The following SESTD1 variants were observed in gnomAD, a reference collection of about 807,000 sequenced individuals.
SESTD1 encodes the protein SEC14 domain and spectrin repeat-containing protein 1.
A neutral mutation model predicts 101.7 loss-of-function variants in SESTD1; 43 were observed. That is an observed-to-expected ratio of 0.42 (90% CI 0.33 to 0.55). The LOEUF (loss-of-function observed/expected upper bound fraction) is 0.55. Ranked by LOEUF, SESTD1 falls within the 20% of genes least tolerant of loss-of-function variation. The pLI is 0.07. For synonymous variants in SESTD1, 283 were observed against 286.8 expected, an observed-to-expected ratio of 0.99 and a Z score of 0.13; for missense variants, 647 against 815.1, an observed-to-expected ratio of 0.79 and a Z score of 2.51.
rs148492984 is a variant in SESTD1 at position 179,260,472 on chromosome 2, C to T, written c.-26+4027G>A. On this transcript the variant is annotated intron_variant, in intron 1 of 17. Coordinates refer to ENST00000428443, the MANE Select transcript of SESTD1 (RefSeq NM_178123.5). Reference sequence around the variant, plus strand: ...TTGAGGTTGCAGTGAGGTGTGATCACACCACTGCACTTCAGCCTGGGCCAC... The same window carrying T: ...TTGAGGTTGCAGTGAGGTGTGATCATACCACTGCACTTCAGCCTGGGCCAC... Among the ~76,000 whole-genome samples, 1,142 of 152,148 alleles carry T rather than the reference C, an allele frequency of 7.5e-3. 15 individuals carry two copies. Among genetic ancestry groups the T allele is most frequent in the African/African-American group, 0.026 (1,059 of 41,514 alleles).
chr2:179,244,591 G>C (rs1239397314), intron 1 of SESTD1, among the ~76,000 whole-genome samples: 1 of 151,132 alleles, frequency 6.6e-6, no homozygotes, highest in Non-Finnish European at 1.5e-5. Context: ...GCTAGAGGGA[G>C]AAATCAAAAC....
intron 1 of SESTD1, among the ~76,000 whole-genome samples, chr2:179,229,749 T>TTATA (rs71023472): frequency 0.042 from 4,467 of 106,282 alleles, 182 homozygotes; most frequent in Middle Eastern, 0.088. Context: ...TTGTAAGAAC[T>TTATA]TATATATATA....
intron 15 of SESTD1, among the ~76,000 whole-genome samples, chr2:179,116,273 T>TTA (rs758625872): frequency 1.4e-5 from 2 of 139,288 alleles, no homozygotes; most frequent in African/African-American, 5.3e-5. Flanking sequence ...GACTGTGTCT[T>TTA]AAAAAAAAAA....
chr2:179,157,781 T>C (rs1304069642), intron 5 of SESTD1, among the ~76,000 whole-genome samples: 1 of 152,170 alleles, frequency 6.6e-6, no homozygotes, highest in Non-Finnish European at 1.5e-5. Context: ...TGTATTTTAG[T>C]GTTGGGAATA....
intron 5 of SESTD1, among the ~76,000 whole-genome samples, chr2:179,157,747 G>A (rs903260869): frequency 1.3e-5 from 2 of 152,068 alleles, no homozygotes; most frequent in Admixed American, 1.3e-4. Flanking sequence ...ATTTAGTGGA[G>A]CTAAATTTAT....
intron 1 of SESTD1, among the ~76,000 whole-genome samples, chr2:179,196,971 G>A (rs958711519): frequency 2.0e-5 from 3 of 152,332 alleles, no homozygotes; most frequent in African/African-American, 7.2e-5. Flanking sequence ...TGATTTTGAT[G>A]AGCTGAGAGA....
At chr2:179,171,536 A>G (rs766132582) in intron 5 of SESTD1, among the ~76,000 whole-genome samples, 14 of 152,196 alleles carry the variant, frequency 9.2e-5, no homozygotes, top group Non-Finnish European at 1.8e-4. Context: ...TCTGTTATTT[A>G]TCAACTCTCC....
chr2:179,140,960 C>T (rs564552432), intron 9 of SESTD1, among the ~76,000 whole-genome samples: 2 of 152,280 alleles, frequency 1.3e-5, no homozygotes, highest in Admixed American at 1.3e-4. Context: ...TGCTCCTCTA[C>T]CTTGCCATGA....
rs1409661905 is a variant in SESTD1, at chr2:179,197,653, T to G, written c.-25-5787A>C. Among the ~76,000 whole-genome samples the G allele has an allele frequency of 5.9e-5, 9 of 152,128 alleles. No homozygotes were observed. In the East Asian group the frequency reaches 1.2e-3, roughly 20 times the overall value. On this transcript the variant is annotated intron_variant, in intron 1 of 17. Coordinates refer to ENST00000428443, the MANE Select transcript of SESTD1 (RefSeq NM_178123.5). ...AGCCAGAAGAGAGTGGGGGCCAATA[T>G]TCAACATTCTTAAAGAAAAGAATTT...
rs147660848 is a variant in SESTD1, at chr2:179,201,918, TATAATAATAATAATAATAATA to T, written c.-25-10073_-25-10053del. ...TGCACATGTACCCTAAAACTTAAAGTATAATAATAATAATAATAATAATAATAATAATAATAATAAAGAAAG... is the reference window on the plus strand; with the variant it reads ...TGCACATGTACCCTAAAACTTAAAGTATAATAATAATAATAATAAAGAAAG... On this transcript the variant is annotated intron_variant, in intron 1 of 17. Transcript: ENST00000428443. Among the ~76,000 whole-genome samples the T allele has an allele frequency of 8.7e-5, 9 of 103,278 alleles. 1 individual carries two copies. Among genetic ancestry groups the T allele is most frequent in the Non-Finnish European group, 1.5e-4 (8 of 52,582 alleles). The allele number at this position is 103,278 out of a possible 152,430, so 67.8% of individuals were successfully genotyped here.
intron 10 of SESTD1, among the ~76,000 whole-genome samples, chr2:179,127,162 G>T (rs1171411553): frequency 6.6e-6 from 1 of 152,074 alleles, no homozygotes; most frequent in African/African-American, 2.4e-5. Context: ...TTTGCTCCCT[G>T]TACTCTAGCC....
intron 1 of SESTD1, among the ~76,000 whole-genome samples, chr2:179,232,927 G>C (rs2047007468): frequency 3.3e-5 from 5 of 152,136 alleles, no homozygotes. Flanking sequence ...GTGGAGAAGT[G>C]GTAGAAAAGA....
At chr2:179,130,291 T>G (rs1274120735) in intron 10 of SESTD1, among the ~76,000 whole-genome samples, 4 of 152,146 alleles carry the variant, frequency 2.6e-5, no homozygotes, top group African/African-American at 9.7e-5. Context: ...AGTTTTTTCA[T>G]CTATAAAGTA....
intron 16 of SESTD1, 94 bp downstream of exon 16, chr2:179,114,971 A>T: frequency 9.7e-7 from 1 of 1,034,746 alleles, no homozygotes; most frequent in Non-Finnish European, 1.4e-6. Flanking sequence ...ATTGAAAAAT[A>T]GATTAGTCAT....
intron 1 of SESTD1, among the ~76,000 whole-genome samples, chr2:179,225,808 C>T (rs1237501403): frequency 2.6e-5 from 4 of 152,182 alleles, no homozygotes. Context: ...GTCCCATTCA[C>T]GAGAGCATAG....
intron 5 of SESTD1, among the ~76,000 whole-genome samples, chr2:179,163,904 C>T (rs944050385): frequency 6.6e-6 from 1 of 152,102 alleles, no homozygotes; most frequent in East Asian, 1.9e-4. Flanking sequence ...CTCTTTTACT[C>T]TCATTATTCC....
chr2:179,243,556 A>G (rs556448741), intron 1 of SESTD1, among the ~76,000 whole-genome samples: 1 of 152,212 alleles, frequency 6.6e-6, no homozygotes, highest in Non-Finnish European at 1.5e-5. Context: ...GTACAAATGT[A>G]CCATGGAATA....
chr2:179,196,780 A>G (rs1046840548), intron 1 of SESTD1, among the ~76,000 whole-genome samples: 4 of 152,220 alleles, frequency 2.6e-5, no homozygotes, highest in Non-Finnish European at 5.9e-5. Flanking sequence ...ACAAACAGAA[A>G]GGACATCCAC....
intron 1 of SESTD1, among the ~76,000 whole-genome samples, chr2:179,200,547 C>G (rs748823701): frequency 6.6e-6 from 1 of 152,062 alleles, no homozygotes; most frequent in African/African-American, 2.4e-5. Flanking sequence ...GTAACCAAAA[C>G]AGCATGGTAC....
Sources: gnomAD v4.1 joint callset for allele counts (sites outside exome capture counted in the v4.1 genomes callset) on GRCh38, gnomAD v4.1.1 for gene constraint, MANE v1.5 for transcripts, NCBI Gene and HGNC (gene_info 2026-07-23, HGNC 2026-07-21) for gene names.